The following LRRTM4 variants were observed in gnomAD, a reference collection of about 807,000 sequenced individuals.
The protein encoded by LRRTM4 is leucine-rich repeat transmembrane neuronal protein 4.
In LRRTM4, 25 loss-of-function variants were observed where a neutral mutation model predicts 47.6. The observed-to-expected ratio is 0.53, with a 90% confidence interval of 0.38 to 0.73. The LOEUF (loss-of-function observed/expected upper bound fraction) is 0.73. LRRTM4 is among the 30% of genes least tolerant of loss of function. The pLI is 0.00. For synonymous variants in LRRTM4, 311 were observed against 269.5 expected (o/e 1.15, Z -1.51); for missense variants, 638 against 713.4 (o/e 0.89, Z 1.20).
At chr2:76,884,500 A>G (rs1438149749) in intron 3 of LRRTM4, among the ~76,000 whole-genome samples, 1 of 152,204 alleles carries the variant, frequency 6.6e-6, no homozygotes, top group Non-Finnish European at 1.5e-5. Context: ...TACCTATTAA[A>G]AGGTTTGCAT....
At chr2:77,162,742 G>A (rs1169584475) in intron 3 of LRRTM4, among the ~76,000 whole-genome samples, 1 of 152,154 alleles carries the variant, frequency 6.6e-6, no homozygotes, top group Non-Finnish European at 1.5e-5. Flanking sequence ...AACTCCAACA[G>A]ACCTGCAGGT....
intron 3 of LRRTM4, among the ~76,000 whole-genome samples, chr2:77,230,792 G>A (rs1209909263): frequency 6.6e-6 from 1 of 152,026 alleles, no homozygotes; most frequent in African/African-American, 2.4e-5. Flanking sequence ...TAGCCAAAGA[G>A]ACAGAACTTA....
chr2:77,465,119 G>A (rs1237843210), intron 3 of LRRTM4, among the ~76,000 whole-genome samples: 1 of 152,012 alleles, frequency 6.6e-6, no homozygotes, highest in Non-Finnish European at 1.5e-5. Flanking sequence ...CTGTAATATA[G>A]TTTTTTTAAA....
chr2:77,251,202 T>C (rs1005502896), intron 3 of LRRTM4, among the ~76,000 whole-genome samples: 6 of 34,798 alleles, frequency 1.7e-4, no homozygotes, highest in South Asian at 6.5e-4. Context: ...CACACACACA[T>C]ATATATGTAT....
chr2:76,793,317 C>T (rs561119652), intron 3 of LRRTM4, among the ~76,000 whole-genome samples: 2 of 152,246 alleles, frequency 1.3e-5, no homozygotes, highest in Admixed American at 1.3e-4. Context: ...ACAAATGCCT[C>T]TGGCTATTCA....
intron 3 of LRRTM4, among the ~76,000 whole-genome samples, chr2:76,947,723 A>C (rs1675368099): frequency 6.6e-6 from 1 of 151,910 alleles, no homozygotes; most frequent in African/African-American, 2.4e-5. Flanking sequence ...TTTAGATAGC[A>C]GCTGTTCATT....
chr2:77,285,968 T>C (rs1397750377), intron 3 of LRRTM4, among the ~76,000 whole-genome samples: 1 of 152,104 alleles, frequency 6.6e-6, no homozygotes, highest in Non-Finnish European at 1.5e-5. Flanking sequence ...TAAAACATTT[T>C]CCTTAAACCC....
intron 3 of LRRTM4, among the ~76,000 whole-genome samples, chr2:77,242,962 G>C (rs1220006736): frequency 2.0e-5 from 3 of 152,102 alleles, no homozygotes; most frequent in Admixed American, 2.0e-4. Flanking sequence ...CCAAAAGGTG[G>C]AAACAACCCA....
intron 3 of LRRTM4, among the ~76,000 whole-genome samples, chr2:77,136,239 A>G (rs558801766): frequency 6.6e-6 from 1 of 152,336 alleles, no homozygotes; most frequent in African/African-American, 2.4e-5. Context: ...GTAGGGGCAG[A>G]TTGACACCTC....
intron 3 of LRRTM4, among the ~76,000 whole-genome samples, chr2:76,863,978 A>G (rs924972855): frequency 3.9e-4 from 60 of 152,218 alleles, no homozygotes; most frequent in African/African-American, 1.4e-3. Flanking sequence ...GATTCAGACT[A>G]TAAGTAGTTC....
intron 3 of LRRTM4, among the ~76,000 whole-genome samples, chr2:76,976,152 C>T (rs1676411566): frequency 6.6e-6 from 1 of 151,678 alleles, no homozygotes; most frequent in Non-Finnish European, 1.5e-5. Flanking sequence ...GTAATCCTTT[C>T]CTTTAAATGT....
intron 3 of LRRTM4, among the ~76,000 whole-genome samples, chr2:76,752,547 C>T (rs954788807): frequency 6.6e-6 from 1 of 152,168 alleles, no homozygotes. Flanking sequence ...TTCCCTCCTG[C>T]ACAGCAGACC....
chr2:77,217,468 T>TATATATATATATATATATAC lies in LRRTM4; in HGVS notation c.1551+300849_1551+300850insGTATATATATATATATATAT, dbSNP rs1338917871. ...ATATATATATATATATATATATATA[T>TATATATATATATATATATAC]ACTAAGCCTTTAATTTAAAAAGATA... is the stretch of plus-strand genomic sequence containing the variant. On this transcript the variant is annotated intron_variant, in intron 3 of 3. Transcript: ENST00000409884. Among the ~76,000 whole-genome samples, 473 of 134,150 alleles carry TATATATATATATATATATAC rather than the reference T, an allele frequency of 3.5e-3. 14 individuals carry two copies. The highest frequency in any genetic ancestry group is 8.0e-3 in the African/African-American group (277 of 34,458). 88.0% of individuals were successfully genotyped at this position (134,150 alleles called of 152,430 possible).
chr2:77,076,146 A>G (rs1680330407), intron 3 of LRRTM4, among the ~76,000 whole-genome samples: 2 of 152,128 alleles, frequency 1.3e-5, no homozygotes, highest in Non-Finnish European at 2.9e-5. Flanking sequence ...TGCTGCAGCT[A>G]GGGAAAACAT....
intron 3 of LRRTM4, among the ~76,000 whole-genome samples, chr2:76,911,253 G>A (rs954629202): frequency 1.3e-5 from 2 of 152,164 alleles, no homozygotes; most frequent in African/African-American, 4.8e-5. Flanking sequence ...AGCCAGTAGA[G>A]TAAAAAGATG....
chr2:76,978,202 G>T (rs1676481926), intron 3 of LRRTM4, among the ~76,000 whole-genome samples: 1 of 151,920 alleles, frequency 6.6e-6, no homozygotes, highest in Non-Finnish European at 1.5e-5. Flanking sequence ...CCTCCACCAG[G>T]ACAGTTCAGC....
intron 3 of LRRTM4, among the ~76,000 whole-genome samples, chr2:77,167,328 A>G (rs776350460): frequency 6.6e-6 from 1 of 152,186 alleles, no homozygotes; most frequent in Non-Finnish European, 1.5e-5. Context: ...ATATGGAGAA[A>G]TGGGAACACT....
intron 3 of LRRTM4, among the ~76,000 whole-genome samples, chr2:77,023,739 A>C (rs1678354370): frequency 6.6e-6 from 1 of 152,178 alleles, no homozygotes. Flanking sequence ...TTTTGGTCAA[A>C]GCCACTCAAC....
chr2:77,425,738 A>G (rs1011202852), intron 3 of LRRTM4, among the ~76,000 whole-genome samples: 1 of 152,108 alleles, frequency 6.6e-6, no homozygotes, highest in Non-Finnish European at 1.5e-5. Context: ...AAATCTCTAC[A>G]TGGTCTATAT....
Sources: allele counts gnomAD v4.1 joint callset (sites outside exome capture counted in the v4.1 genomes callset), GRCh38; gene constraint gnomAD v4.1.1; transcripts MANE v1.5; gene names NCBI Gene and HGNC (gene_info 2026-07-23, HGNC 2026-07-21).